ZNF385B: variants seen among roughly 807,000 people sequenced by gnomAD.
ZNF385B encodes the protein zinc finger protein 533.
A neutral mutation model predicts 39.2 loss-of-function variants in ZNF385B; 23 were observed. The ratio of observed to expected loss-of-function variants is 0.59; its 90% CI spans 0.42 to 0.83. The LOEUF (loss-of-function observed/expected upper bound fraction) is 0.83. Ranked by LOEUF, ZNF385B falls within the 40% of genes least tolerant of loss-of-function variation. ZNF385B has a pLI of 0.00. For synonymous variants in ZNF385B, 205 were observed against 222.6 expected (o/e 0.92, Z 0.70); for missense variants, 552 against 598.9 (o/e 0.92, Z 0.82).
chr2:179,653,796 C>T (rs1693444779), intron 3 of ZNF385B, among the ~76,000 whole-genome samples: 1 of 152,302 alleles, frequency 6.6e-6, no homozygotes, highest in Admixed American at 6.5e-5. Context: ...CAAGTGTTCA[C>T]TCATTTAACA....
At chr2:179,478,708 A>T (rs2053677749) in intron 6 of ZNF385B, among the ~76,000 whole-genome samples, 1 of 152,180 alleles carries the variant, frequency 6.6e-6, no homozygotes, top group South Asian at 2.1e-4. Flanking sequence ...TATCTAATTA[A>T]TTTTTTTAAA....
At chr2:179,459,077 G>T (rs984177093) in intron 6 of ZNF385B, among the ~76,000 whole-genome samples, 4 of 152,074 alleles carry the variant, frequency 2.6e-5, no homozygotes, top group Admixed American at 1.3e-4. Flanking sequence ...GTCTTCAAAA[G>T]CTTCTTTTAA....
intron 8 of ZNF385B, 131 bp from the exon 9 acceptor site, chr2:179,445,108 T>A: frequency 2.6e-6 from 2 of 757,144 alleles, no homozygotes; most frequent in Non-Finnish European, 4.6e-6. Flanking sequence ...GTAAAATCAT[T>A]ATGATTTCTA....
chr2:179,593,053 AG>A (rs1378210397), intron 3 of ZNF385B, among the ~76,000 whole-genome samples: 12 of 152,174 alleles, frequency 7.9e-5, no homozygotes, highest in African/African-American at 2.9e-4. Flanking sequence ...TAACTTCCCC[AG>A]GATTGAATAG....
intron 3 of ZNF385B, among the ~76,000 whole-genome samples, chr2:179,741,768 G>A (rs1456834951): frequency 2.6e-5 from 4 of 152,164 alleles, no homozygotes; most frequent in Non-Finnish European, 5.9e-5. Context: ...ATTTTATTCA[G>A]CTATGGTAAA....
At chr2:179,804,878 C>A (rs2106558646) in intron 1 of ZNF385B, among the ~76,000 whole-genome samples, 1 of 152,322 alleles carries the variant, frequency 6.6e-6, no homozygotes, top group Admixed American at 6.5e-5. Context: ...TCTAGTGAAG[C>A]CCTTCTCATT....
At chr2:179,590,121 T>C (rs1470649600) in intron 3 of ZNF385B, among the ~76,000 whole-genome samples, 1 of 152,226 alleles carries the variant, frequency 6.6e-6, no homozygotes, top group African/African-American at 2.4e-5. Flanking sequence ...TTCCCTGTAA[T>C]GGGGAAACCA....
At chr2:179,522,836 G>GA (rs745914163) in intron 4 of ZNF385B, 4 of 385,576 alleles carry the variant, frequency 1.0e-5, no homozygotes, top group East Asian at 8.1e-5. Context: ...CTTTTTTAAA[G>GA]AAAAAAATAC....
At chr2:179,590,905 T>C (rs1301923787) in intron 3 of ZNF385B, among the ~76,000 whole-genome samples, 1 of 152,180 alleles carries the variant, frequency 6.6e-6, no homozygotes, top group East Asian at 1.9e-4. Context: ...CTCTTTCCTT[T>C]ATAATTATCC....
intron 3 of ZNF385B, among the ~76,000 whole-genome samples, chr2:179,662,014 T>C (rs1481400807): frequency 1.3e-5 from 2 of 152,266 alleles, no homozygotes; most frequent in Non-Finnish European, 1.5e-5. Flanking sequence ...GATTTGGCTT[T>C]AATAATAAAA....
Position 179,552,658 on chromosome 2 carries a change from C to T in ZNF385B, c.299-7689G>A, listed in dbSNP as rs542803607. ...CCATCACCGCATCTCCTCCACTTCT[C>T]TCAGCATTTCTTTTCTTTCATAAAT... is the stretch of plus-strand genomic sequence containing the variant. On this transcript the variant is annotated intron_variant, in intron 3 of 9. Transcript: ENST00000410066. Among the ~76,000 whole-genome samples the T allele has an allele frequency of 8.1e-5, 12 of 149,000 alleles. 1 individual carries two copies. The highest frequency in any genetic ancestry group is 4.7e-4 in the Admixed American group (7 of 14,952).
chr2:179,626,060 T>A (rs1388524482), intron 3 of ZNF385B, among the ~76,000 whole-genome samples: 3 of 152,092 alleles, frequency 2.0e-5, no homozygotes, highest in Non-Finnish European at 4.4e-5. Flanking sequence ...TTTTAAAGCA[T>A]CAATGTTTTA....
At chr2:179,848,569 G>GGA (rs1708920023) in intron 1 of ZNF385B, among the ~76,000 whole-genome samples, 2 of 152,226 alleles carry the variant, frequency 1.3e-5, no homozygotes, top group Admixed American at 1.3e-4. Context: ...AGCCTTTTCA[G>GGA]ATAAAGGAAT....
chr2:179,475,079 C>A (rs919042950), intron 6 of ZNF385B, among the ~76,000 whole-genome samples: 4 of 152,052 alleles, frequency 2.6e-5, no homozygotes, highest in African/African-American at 9.7e-5. Context: ...ATATGGTAGC[C>A]ACTAGCCTTA....
intron 1 of ZNF385B, among the ~76,000 whole-genome samples, chr2:179,774,598 C>A (rs934103520): frequency 6.3e-4 from 96 of 152,194 alleles, no homozygotes; most frequent in African/African-American, 2.1e-3. Flanking sequence ...ACCTTGTGAT[C>A]CACCTGCCTC....
intron 3 of ZNF385B, among the ~76,000 whole-genome samples, chr2:179,751,024 A>G (rs890595119): frequency 1.2e-4 from 19 of 152,290 alleles, no homozygotes; most frequent in African/African-American, 4.6e-4. Context: ...CAAAGGTTGC[A>G]TCATTTAAAA....
intron 3 of ZNF385B, among the ~76,000 whole-genome samples, chr2:179,725,983 C>T (rs1187086222): frequency 6.7e-6 from 1 of 149,966 alleles, no homozygotes; most frequent in African/African-American, 2.4e-5. Flanking sequence ...CACTACCTTC[C>T]CACCTTATAG....
chr2:179,775,606 G>A (rs1302908526), intron 1 of ZNF385B, among the ~76,000 whole-genome samples: 6 of 152,176 alleles, frequency 3.9e-5, no homozygotes, highest in Admixed American at 3.9e-4. Context: ...GGGATTATTT[G>A]ACATCAATGG....
At position 179,619,459 on chromosome 2, in the gene ZNF385B, C is replaced by T. The variant is rs1275637851; in HGVS notation, c.299-74490G>A. Among the ~76,000 whole-genome samples the T allele has an allele frequency of 7.2e-5, 11 of 152,302 alleles. No individual in the cohort carries two copies. The South Asian group carries it at 8.3e-4, about 11-fold the overall frequency. Reference sequence around the variant, plus strand: ...CTGAAGCTGGGGAACCAAGCCCTGACGGATTCCTGTCCTGCTCCCCCATCC... The same window carrying T: ...CTGAAGCTGGGGAACCAAGCCCTGATGGATTCCTGTCCTGCTCCCCCATCC... On this transcript the variant is annotated intron_variant, in intron 3 of 9. Transcript: ENST00000410066.
Sources: gnomAD v4.1 joint callset for allele counts (sites outside exome capture counted in the v4.1 genomes callset) on GRCh38, gnomAD v4.1.1 for gene constraint, MANE v1.5 for transcripts, NCBI Gene and HGNC (gene_info 2026-07-23, HGNC 2026-07-21) for gene names.